Variants in CACUL1 observed in about 807,000 individuals in gnomAD.
CACUL1 encodes the protein CDK2 associated cullin domain 1.
Under a neutral mutation model 45.2 loss-of-function variants are expected in CACUL1, and 13 were observed. The ratio of observed to expected loss-of-function variants is 0.29; its 90% confidence interval spans 0.19 to 0.46. CACUL1 has a LOEUF of 0.46. Among genes scored for constraint, CACUL1 ranks in the 20% least tolerant of loss-of-function variants. The pLI is 1.00. For missense variants in CACUL1, 421 were observed against 471.4 expected (o/e 0.89, Z 0.99); for synonymous variants, 197 against 174.2 (o/e 1.13, Z -1.03).
At position 118,678,365 on chromosome 10, in the gene CACUL1, C is replaced by A. The variant is rs192090354; in HGVS notation, c.*7763G>T. On this transcript the variant is annotated 3_prime_UTR_variant, in exon 9 of 9. Coordinates refer to ENST00000369151, the MANE Select transcript of CACUL1 (RefSeq NM_153810.5). Reference sequence around the variant, plus strand: ...ATGAAATTCTTCCCTACTCCAAAGTCATTGTTTTAATCACTACCTTTGGCA... The same window carrying A: ...ATGAAATTCTTCCCTACTCCAAAGTAATTGTTTTAATCACTACCTTTGGCA... 6.6e-6 allele frequency: 1 copy of A among 152,310 alleles called. No homozygotes were observed. Among genetic ancestry groups the A allele is most frequent in the Admixed American group, 6.5e-5 (1 of 15,306 alleles). The allele number at this position is 152,310 out of a possible 1,614,324, so 9.4% of individuals were successfully genotyped here.
intron 3 of CACUL1, 29 bp from the exon 4 acceptor site, chr10:118,707,616 T>C (rs1845444703): frequency 4.6e-6 from 5 of 1,090,584 alleles, no homozygotes; most frequent in Non-Finnish European, 6.9e-6. Flanking sequence ...GTGTGATCAA[T>C]CTGGGAAACC....
At chr10:118,733,927 G>A (rs1845720053) in intron 1 of CACUL1, among the ~76,000 whole-genome samples, 1 of 152,138 alleles carries the variant, frequency 6.6e-6, no homozygotes, top group South Asian at 2.1e-4. Flanking sequence ...TGAGGCAGGA[G>A]GATCTTTCAA....
rs958356574 is a variant in CACUL1 at position 118,684,322 on chromosome 10, T to C, written c.*1806A>G. The stretch of plus-strand genomic sequence containing the variant: ...ACTCAGACTTCAGTTCTAGGTGTGA[T>C]TGGTAAGCCTGAAGCAAGCATTCCA... On this transcript the variant is annotated 3_prime_UTR_variant, in exon 9 of 9. Coordinates refer to ENST00000369151, the MANE Select transcript of CACUL1 (RefSeq NM_153810.5). 2.0e-5 allele frequency: 3 copies of C among 152,480 alleles called. No homozygotes were observed. Among genetic ancestry groups the C allele is most frequent in the Admixed American group, 6.5e-5 (1 of 15,284 alleles). 9.4% of individuals were successfully genotyped at this position (152,480 alleles called of 1,614,324 possible). A position where few individuals can be genotyped will look rare whatever the true frequency, so the allele number is the denominator to read the frequency against.
chr10:118,690,849 C>A (rs1310111178), intron 7 of CACUL1, among the ~76,000 whole-genome samples: 2 of 152,180 alleles, frequency 1.3e-5, no homozygotes, highest in Non-Finnish European at 2.9e-5. Flanking sequence ...AGTTTGAAAC[C>A]AGCCTGGCCA....
chr10:118,727,212 A>C (rs1845659988), intron 3 of CACUL1, among the ~76,000 whole-genome samples: 1 of 151,870 alleles, frequency 6.6e-6, no homozygotes. Flanking sequence ...AACACGGCAA[A>C]ACCCCATCTC....
At chr10:118,717,024 T>A (rs974284624) in intron 3 of CACUL1, among the ~76,000 whole-genome samples, 6 of 152,200 alleles carry the variant, frequency 3.9e-5, no homozygotes, top group African/African-American at 7.2e-5. Context: ...CCGAATCACC[T>A]GAAGGGACTG....
intron 4 of CACUL1, among the ~76,000 whole-genome samples, chr10:118,703,080 C>T (rs1845399160): frequency 6.6e-6 from 1 of 152,152 alleles, no homozygotes; most frequent in Non-Finnish European, 1.5e-5. Context: ...ATGTGAGCCA[C>T]TATGCCCAGC....
chr10:118,726,443 C>CTTGAGGGGGAGGG, intron 3 of CACUL1: 1 of 588,686 alleles, frequency 1.7e-6, no homozygotes, highest in Non-Finnish European at 2.6e-6. Flanking sequence ...GAGTCCCTCC[C>CTTGAGGGGGAGGG]CCTCAAGGAA....
At chr10:118,701,245 A>C in intron 5 of CACUL1, 61 bp downstream of exon 5, 3 of 1,004,250 alleles carry the variant, frequency 3.0e-6, no homozygotes, top group Non-Finnish European at 4.4e-6. Flanking sequence ...AGACCAAAAA[A>C]AAAAGAAAAA....
chr10:118,713,023 G>A (rs970559910), intron 3 of CACUL1, among the ~76,000 whole-genome samples: 6 of 152,212 alleles, frequency 3.9e-5, no homozygotes, highest in Admixed American at 2.0e-4. Context: ...CATTCATGGC[G>A]CCCAGGCTGT....
rs1167643248 is a variant in CACUL1, at chr10:118,754,440, G to A, written c.323C>T (p.Thr108Ile). The A allele has an allele frequency of 5.6e-6, 9 of 1,594,862 alleles. No individual in the cohort carries two copies. The highest frequency in any genetic ancestry group is 7.7e-6 in the Non-Finnish European group (9 of 1,172,282). Residue 108 changes from threonine (T) to isoleucine (I), a missense_variant, in exon 1 of 9, where the codon ACC (threonine) becomes ATC (isoleucine). Around this residue, in one of 2 missense-constraint regions of CACUL1, gnomAD observed 213 missense variants for 173.1 expected, o/e 1.23. Coordinates refer to ENST00000369151, the MANE Select transcript of CACUL1 (RefSeq NM_153810.5). ...AAVAKAAPAP[T>I]ASSTININTS... ...GTTGATGTTGATGGTGGAGCTGGCG[G>A]TGGGGGCGGGGGCCGCCTTGGCCAC...
intron 3 of CACUL1, among the ~76,000 whole-genome samples, chr10:118,725,923 A>T (rs1449270501): frequency 6.6e-6 from 1 of 152,224 alleles, no homozygotes; most frequent in African/African-American, 2.4e-5. Flanking sequence ...GATAAAAATA[A>T]ATAAGTCCCT....
Position 118,686,181 on chromosome 10 carries a change from C to G in CACUL1, c.1070-13G>C. The G allele has an allele frequency of 1.2e-6, 2 of 1,608,388 alleles. No homozygotes were observed. The highest frequency in any genetic ancestry group is 1.7e-6 in the Non-Finnish European group (2 of 1,175,074). On this transcript the variant is annotated splice_polypyrimidine_tract_variant and intron_variant, in intron 8 of 8. Coordinates refer to ENST00000369151, the MANE Select transcript of CACUL1 (RefSeq NM_153810.5). ...GCTGACGAGCTATCTGAAAAAACAT[C>G]AGAATAGGAAAAAGTATGAAGAGCA... is the stretch of plus-strand genomic sequence containing the variant.
At chr10:118,712,200 G>A (rs1479430155) in intron 3 of CACUL1, among the ~76,000 whole-genome samples, 1 of 152,208 alleles carries the variant, frequency 6.6e-6, no homozygotes, top group Non-Finnish European at 1.5e-5. Flanking sequence ...GTTTTGCTCA[G>A]GCCTACTGGG....
chr10:118,726,885 AG>A (rs1425127731), intron 3 of CACUL1, among the ~76,000 whole-genome samples: 1 of 152,134 alleles, frequency 6.6e-6, no homozygotes, highest in Non-Finnish European at 1.5e-5. Context: ...TGAGTGACAG[AG>A]CTGGAAACAG....
At chr10:118,702,584 CTT>C (rs35241397) in intron 4 of CACUL1, among the ~76,000 whole-genome samples, 193 of 138,756 alleles carry the variant, frequency 1.4e-3, no homozygotes, top group Non-Finnish European at 1.5e-3. Context: ...TTTCTTTTTT[CTT>C]TTTTTTTTTT....
chr10:118,729,187 T>C, intron 3 of CACUL1, 108 bp downstream of exon 3: 1 of 699,276 alleles, frequency 1.4e-6, no homozygotes, highest in Non-Finnish European at 2.5e-6. Flanking sequence ...CATTTATAAA[T>C]TTATATCATA....
intron 3 of CACUL1, among the ~76,000 whole-genome samples, chr10:118,723,253 T>C (rs1251571647): frequency 2.6e-5 from 4 of 152,182 alleles, no homozygotes; most frequent in East Asian, 1.9e-4. Context: ...TTGTTAACTA[T>C]GTTTTTTTAC....
intron 1 of CACUL1, among the ~76,000 whole-genome samples, chr10:118,743,849 G>GAA (rs1440484395): frequency 6.6e-6 from 1 of 151,988 alleles, no homozygotes; most frequent in African/African-American, 2.4e-5. Context: ...AATATCCTTA[G>GAA]AAAATGAAGA....
Sources: allele counts gnomAD v4.1 joint callset (sites outside exome capture counted in the v4.1 genomes callset), GRCh38; gene constraint gnomAD v4.1.1; regional missense constraint gnomAD v4.1.1; transcripts MANE v1.5; gene names NCBI Gene and HGNC (gene_info 2026-07-23, HGNC 2026-07-21).